Variants in COL24A1 observed in about 807,000 individuals in gnomAD.
The protein encoded by COL24A1 is collagen type XXIV alpha 1 chain, also known as collagen alpha-1(XXIV) chain.
A neutral mutation model predicts 253.9 loss-of-function variants in COL24A1; 224 were observed. That is an observed-to-expected ratio of 0.88 (90% CI 0.79 to 0.99). The LOEUF is 0.99. Among genes scored for constraint, COL24A1 ranks in the 50% least tolerant of loss-of-function variants. The pLI, the probability that COL24A1 is intolerant of heterozygous loss-of-function variation, is 0.00. For synonymous variants in COL24A1, 685 were observed against 673.7 expected (o/e 1.02, Z -0.26); for missense variants, 2,131 against 2,068.5 (o/e 1.03, Z -0.59).
Position 85,885,397 on chromosome 1 carries a change from A to ATATATTTTT in COL24A1, c.2976+4162_2976+4163insAAAAATATA, listed in dbSNP as rs60994639. Among the ~76,000 whole-genome samples, 404 of 128,830 alleles carry ATATATTTTT rather than the reference A, an allele frequency of 3.1e-3. 3 individuals are homozygous for ATATATTTTT. The highest frequency in any genetic ancestry group is 5.7e-3 in the Admixed American group (67 of 11,848). 84.5% of individuals were successfully genotyped at this position (128,830 alleles called of 152,430 possible). A position where few individuals can be genotyped will look rare whatever the true frequency, so the allele number is the denominator to read the frequency against. On this transcript the variant is annotated intron_variant, in intron 32 of 59. Transcript: ENST00000370571. The stretch of plus-strand genomic sequence containing the variant: ...TGTGTGTATATATATATATATATAT[A>ATATATTTTT]TTTTTTTTTTAAGTAGAAACTAAAT...
chr1:85,921,330 T>G (rs1365680933), intron 24 of COL24A1, among the ~76,000 whole-genome samples: 3 of 152,220 alleles, frequency 2.0e-5, no homozygotes, highest in Non-Finnish European at 2.9e-5. Context: ...CCTTGCTCAC[T>G]GCTAGAGCAG....
intron 52 of COL24A1, among the ~76,000 whole-genome samples, chr1:85,780,269 T>C (rs1669016885): frequency 6.6e-6 from 1 of 152,212 alleles, no homozygotes; most frequent in Non-Finnish European, 1.5e-5. Context: ...TGAAGCATTC[T>C]ATTTTTATAT....
chr1:86,030,731 C>A (rs927671842), intron 14 of COL24A1: 1 of 150,418 alleles, frequency 6.6e-6, no homozygotes, highest in Non-Finnish European at 1.5e-5. Context: ...GTGGGCCAGG[C>A]TAATTTTCTT....
chr1:85,962,787 T>G (rs1691200788), intron 23 of COL24A1, among the ~76,000 whole-genome samples: 1 of 152,178 alleles, frequency 6.6e-6, no homozygotes, highest in South Asian at 2.1e-4. Flanking sequence ...AGTAATCAAT[T>G]ACTGTCTAAA....
Position 86,057,915 on chromosome 1 carries a change from G to A in COL24A1, c.1851+16C>T, listed in dbSNP as rs1159929159. Reference sequence around the variant, plus strand: ...AGGCAAGCATGCTTAACAGAATGATGGAAATGCCTACTTACTTGTGCACCT... The same window carrying A: ...AGGCAAGCATGCTTAACAGAATGATAGAAATGCCTACTTACTTGTGCACCT... On this transcript the variant is annotated intron_variant, in intron 10 of 59. Coordinates refer to ENST00000370571, the MANE Select transcript of COL24A1 (RefSeq NM_152890.7). The A allele has an allele frequency of 6.2e-7, 1 of 1,610,318 alleles. No homozygotes were observed. Among genetic ancestry groups the A allele is most frequent in the South Asian group, 1.1e-5 (1 of 90,566 alleles).
At chr1:85,918,399 G>A (rs6702912) in intron 24 of COL24A1, among the ~76,000 whole-genome samples, 109,567 of 151,962 alleles carry the variant, frequency 0.72, 39,563 homozygotes, top group East Asian at 0.79. Flanking sequence ...TGCCATTCTT[G>A]TCTTATACAT....
At chr1:85,886,017 G>A (rs143074674) in intron 32 of COL24A1, among the ~76,000 whole-genome samples, 98 of 149,982 alleles carry the variant, frequency 6.5e-4, no homozygotes, top group African/African-American at 2.4e-3. Flanking sequence ...TCTTTTTTAG[G>A]GGGGAGACTG....
chr1:85,740,085 G>T (rs1664446580), intron 57 of COL24A1, among the ~76,000 whole-genome samples: 2 of 151,890 alleles, frequency 1.3e-5, no homozygotes. Context: ...TTACACCCTT[G>T]CCCTGCCTCA....
chr1:85,984,849 C>T (rs1693577489), intron 20 of COL24A1, among the ~76,000 whole-genome samples: 3 of 151,860 alleles, frequency 2.0e-5, no homozygotes, highest in Admixed American at 2.0e-4. Flanking sequence ...AGTTCAATGA[C>T]ATCAGCAACC....
chr1:85,920,537 A>G (rs897745098), intron 24 of COL24A1, among the ~76,000 whole-genome samples: 1 of 152,162 alleles, frequency 6.6e-6, no homozygotes, highest in Non-Finnish European at 1.5e-5. Flanking sequence ...AAGAATCACT[A>G]TTGGTTTTCA....
intron 24 of COL24A1, among the ~76,000 whole-genome samples, chr1:85,914,000 C>T (rs1247048644): frequency 6.6e-6 from 1 of 152,140 alleles, no homozygotes; most frequent in Non-Finnish European, 1.5e-5. Context: ...TAGTGAGGGC[C>T]TGCTCCCTGG....
chr1:86,012,099 A>G (rs1169145519), intron 19 of COL24A1, among the ~76,000 whole-genome samples: 1 of 152,128 alleles, frequency 6.6e-6, no homozygotes. Flanking sequence ...GATTACAAGC[A>G]TAAGCCACCA....
At chr1:85,971,455 C>A in intron 20 of COL24A1, 62 bp from the exon 21 acceptor site, 1 of 1,331,814 alleles carries the variant, frequency 7.5e-7, no homozygotes, top group Non-Finnish European at 1.1e-6. Flanking sequence ...TTTGATAAAT[C>A]AGCATTAATG....
chr1:85,738,024 C>A (rs1407932895), intron 57 of COL24A1, among the ~76,000 whole-genome samples: 8 of 152,084 alleles, frequency 5.3e-5, no homozygotes, highest in Non-Finnish European at 1.2e-4. Flanking sequence ...CTATCAATTT[C>A]AGAGTGTTTC....
At chr1:86,052,521 C>T (rs184979468) in intron 10 of COL24A1, among the ~76,000 whole-genome samples, 37 of 152,168 alleles carry the variant, frequency 2.4e-4, no homozygotes, top group African/African-American at 8.2e-4. Flanking sequence ...GCATGATGTA[C>T]TTATAGTAGT....
At chr1:85,882,496 G>A (rs1413480702) in intron 32 of COL24A1, among the ~76,000 whole-genome samples, 1 of 151,924 alleles carries the variant, frequency 6.6e-6, no homozygotes, top group Non-Finnish European at 1.5e-5. Context: ...AAAAACACAC[G>A]AATAAAAAAA....
chr1:85,878,510 T>G (rs1483676933), intron 32 of COL24A1, among the ~76,000 whole-genome samples: 1 of 152,182 alleles, frequency 6.6e-6, no homozygotes, highest in East Asian at 1.9e-4. Context: ...TGCTTCAAAT[T>G]TTTTGCACCT....
chr1:85,823,909 T>G (rs1466411814), intron 43 of COL24A1, among the ~76,000 whole-genome samples, 171 bp from the exon 44 acceptor site: 1 of 152,152 alleles, frequency 6.6e-6, no homozygotes, highest in African/African-American at 2.4e-5. Flanking sequence ...TTGGATATTA[T>G]GGTAGCTGAA....
chr1:85,803,044 G>C (rs1360587460), intron 47 of COL24A1, among the ~76,000 whole-genome samples: 1 of 152,184 alleles, frequency 6.6e-6, no homozygotes, highest in Non-Finnish European at 1.5e-5. Flanking sequence ...GCAAGTTTTT[G>C]TGTGGATATA....
Sources: allele counts gnomAD v4.1 joint callset (sites outside exome capture counted in the v4.1 genomes callset), GRCh38; gene constraint gnomAD v4.1.1; transcripts MANE v1.5; gene names NCBI Gene and HGNC (gene_info 2026-07-23, HGNC 2026-07-21).